MYO5C: variants seen among roughly 807,000 people sequenced by gnomAD.
MYO5C encodes the protein unconventional myosin-Vc.
Under a neutral mutation model 235.7 loss-of-function variants are expected in MYO5C, and 194 were observed. The observed-to-expected ratio is 0.82, with a 90% confidence interval of 0.73 to 0.93. The LOEUF (loss-of-function observed/expected upper bound fraction) is 0.93, where lower values mean the gene tolerates loss of function less well. Ranked by LOEUF, MYO5C falls within the 40% of genes least tolerant of loss-of-function variation. MYO5C has a pLI of 0.00. For synonymous variants in MYO5C, 707 were observed against 754.8 expected (o/e 0.94, Z 1.04); for missense variants, 2,038 against 2,127.2 (o/e 0.96, Z 0.82).
At position 52,211,732 on chromosome 15, in the gene MYO5C, T is replaced by A; in HGVS notation, c.4294A>T (p.Lys1432Ter). ...CCAATGTCAAAGGCATTTCCTACCT[T>A]AACCACCTGCTTGATGCCATTAATG... ...STINGIKQVV[K>*]EHLEDFEMLS... Residue 1432 changes from lysine (K) to a stop codon, truncating the protein, a stop_gained and splice_region_variant, in exon 35 of 41, where the codon AAG becomes TAG. Transcript: ENST00000261839. LOFTEE classifies it high-confidence loss of function. 1 of 1,613,506 alleles carries A rather than the reference T, an allele frequency of 6.2e-7. No homozygotes were observed. The highest frequency in any genetic ancestry group is 8.5e-7 in the Non-Finnish European group (1 of 1,179,632).
At chr15:52,194,621 A>G (rs1026327317) in intron 40 of MYO5C, among the ~76,000 whole-genome samples, 2 of 152,154 alleles carry the variant, frequency 1.3e-5, no homozygotes, top group Non-Finnish European at 2.9e-5. Context: ...CATGTTAAAC[A>G]TAAGTTTCCA....
intron 5 of MYO5C, among the ~76,000 whole-genome samples, chr15:52,275,132 G>A (rs1387123978): frequency 1.3e-5 from 2 of 152,254 alleles, no homozygotes; most frequent in Non-Finnish European, 2.9e-5. Flanking sequence ...CCTCTGCCAA[G>A]GCAGAAGGTA....
intron 37 of MYO5C, chr15:52,205,522 C>T (rs1395309654): frequency 3.1e-6 from 1 of 323,206 alleles, no homozygotes; most frequent in Non-Finnish European, 5.6e-6. Context: ...TTCAAAAATA[C>T]TTGGCTACGC....
chr15:52,240,979 G>A (rs2036207105), intron 20 of MYO5C, among the ~76,000 whole-genome samples: 1 of 152,054 alleles, frequency 6.6e-6, no homozygotes, highest in Non-Finnish European at 1.5e-5. Flanking sequence ...AACACTTATT[G>A]CTCTCCTCCC....
At chr15:52,287,309 G>A (rs1271653515) in intron 1 of MYO5C, among the ~76,000 whole-genome samples, 2 of 152,170 alleles carry the variant, frequency 1.3e-5, no homozygotes, top group East Asian at 1.9e-4. Flanking sequence ...ACACAGACAC[G>A]CCTGTCTCAG....
chr15:52,196,507 G>A (rs1474006462), intron 38 of MYO5C, 24 bp from the exon 39 acceptor site: 5 of 1,604,164 alleles, frequency 3.1e-6, no homozygotes, highest in Non-Finnish European at 3.4e-6. Context: ...CAGAAGAACA[G>A]AGAATACTTT....
chr15:52,280,838 A>G (rs924557217), intron 2 of MYO5C, among the ~76,000 whole-genome samples: 4 of 152,204 alleles, frequency 2.6e-5, no homozygotes, highest in African/African-American at 9.7e-5. Flanking sequence ...AGTTAATCTG[A>G]GCCTCACTCT....
intron 19 of MYO5C, chr15:52,242,455 C>T (rs999653242): frequency 2.1e-6 from 1 of 469,160 alleles, no homozygotes; most frequent in Non-Finnish European, 3.8e-6. Flanking sequence ...TTCACCTCCA[C>T]TCAGGTACCC....
At position 52,219,789 on chromosome 15, in the gene MYO5C, C is replaced by T. The variant is rs1211888232; in HGVS notation, c.3755G>A (p.Arg1252His). The change falls in exon 31 of 41, where the codon CGC becomes CAC. Residue 1252 changes from arginine to histidine, a missense_variant. Physicochemically the swap from Arg to His is conservative, Grantham distance 29. Transcript: ENST00000261839. The part of the protein sequence containing the change: ...KLEELSNQLH[R>H]SQEEEGTQRK... Reference sequence around the variant, plus strand: ...TTGTGTTCCTTCCTCCTCTTGACTGCGATGTAACTGATTAGACAATTCTTC... The same window carrying T: ...TTGTGTTCCTTCCTCCTCTTGACTGTGATGTAACTGATTAGACAATTCTTC... The T allele has an allele frequency of 6.2e-6, 10 of 1,612,320 alleles. No individual in the cohort carries two copies. Among genetic ancestry groups the T allele is most frequent in the African/African-American group, 1.3e-5 (1 of 74,858 alleles).
At chr15:52,259,349 G>C (rs2036643773) in intron 10 of MYO5C, among the ~76,000 whole-genome samples, 1 of 151,518 alleles carries the variant, frequency 6.6e-6, no homozygotes, top group Non-Finnish European at 1.5e-5. Flanking sequence ...GAACCTGGGA[G>C]GCAGAGGTTG....
At chr15:52,286,369 G>A (rs1424219063) in intron 1 of MYO5C, among the ~76,000 whole-genome samples, 134 of 150,970 alleles carry the variant, frequency 8.9e-4, no homozygotes, top group African/African-American at 2.6e-3. Context: ...GGTGAGGGGC[G>A]CCTCTGCCCG....
intron 8 of MYO5C, among the ~76,000 whole-genome samples, chr15:52,264,688 G>T (rs1330299537): frequency 6.6e-6 from 1 of 152,148 alleles, no homozygotes; most frequent in African/African-American, 2.4e-5. Flanking sequence ...ATTGCTGGAG[G>T]GATTCCGTTT....
chr15:52,241,898 A>C, intron 20 of MYO5C, 150 bp downstream of exon 20: 1 of 924,156 alleles, frequency 1.1e-6, no homozygotes, highest in Admixed American at 2.5e-5. Flanking sequence ...GGCATGAGCC[A>C]CAGCACCTGG....
At chr15:52,239,614 C>T in intron 21 of MYO5C, 119 bp downstream of exon 21, 8 of 1,068,616 alleles carry the variant, frequency 7.5e-6, no homozygotes, top group East Asian at 5.0e-5. Flanking sequence ...AGGTGGTCCA[C>T]GTAAACTGAA....
Position 52,291,731 on chromosome 15 carries a change from G to GTTTT in MYO5C, c.27+3875_27+3878dup, listed in dbSNP as rs1196328559. 6.3e-4 allele frequency among the ~76,000 whole-genome samples: 33 copies of GTTTT among 52,544 alleles called. 7 individuals are homozygous for GTTTT. The highest frequency in any genetic ancestry group is 2.2e-3 in the African/African-American group (26 of 12,044). The allele number at this position is 52,544 out of a possible 152,430, so 34.5% of individuals were successfully genotyped here. A position where few individuals can be genotyped will look rare whatever the true frequency, so the allele number is the denominator to read the frequency against. ...TTTTTTCTTTGTTTGCATATTTTAT[G>GTTTT]TTTTTTTTTTTTTTTTTTTTTTTTT... On this transcript the variant is annotated intron_variant, in intron 1 of 40. Transcript: ENST00000261839.
At chr15:52,295,356 C>A (rs1014167224) in intron 1 of MYO5C, among the ~76,000 whole-genome samples, 2 of 152,178 alleles carry the variant, frequency 1.3e-5, no homozygotes, top group East Asian at 3.9e-4. Flanking sequence ...GGCACCCAGG[C>A]GCAGCGGAGC....
At position 52,223,669 on chromosome 15, in the gene MYO5C, C is replaced by T. The variant is rs374150284; in HGVS notation, c.3502G>A (p.Ala1168Thr). The T allele has an allele frequency of 1.2e-6, 2 of 1,614,008 alleles. No individual in the cohort carries two copies. The highest frequency in any genetic ancestry group is 2.7e-5 in the African/African-American group (2 of 74,900). ...QKDCYEKEIE[A>T]LNFKVVHLSQ... ...AGATGCACCACTTTGAAGTTCAAAGCTTCAATCTCCTTTTCATAGCAATCC... is the reference window on the plus strand; with the variant it reads ...AGATGCACCACTTTGAAGTTCAAAGTTTCAATCTCCTTTTCATAGCAATCC... The change falls in exon 29 of 41, where the codon GCT (alanine) becomes ACT (threonine). Residue 1168 changes from alanine to threonine, a missense_variant. Coordinates refer to ENST00000261839, the MANE Select transcript of MYO5C (RefSeq NM_018728.4).
In MYO5C at chr15:52,225,154, A is replaced by G; in HGVS notation, c.3302-16T>C. 1 of 1,613,338 alleles carries G rather than the reference A, an allele frequency of 6.2e-7. No homozygotes were observed. The highest frequency in any genetic ancestry group is 1.1e-5 in the South Asian group (1 of 91,006). On this transcript the variant is annotated splice_polypyrimidine_tract_variant and intron_variant, in intron 26 of 40. Coordinates refer to ENST00000261839, the MANE Select transcript of MYO5C (RefSeq NM_018728.4). ...GACATCTTTTCTGAAAGGGAAAGGC[A>G]GAGTTGTATATATTACATTTGTGGA...
At chr15:52,239,446 CAA>C (rs2036164305) in intron 21 of MYO5C, among the ~76,000 whole-genome samples, 1 of 141,984 alleles carries the variant, frequency 7.0e-6, no homozygotes, top group African/African-American at 3.2e-5. Context: ...TGCCTCAAGG[CAA>C]CACAACTTCA....
Sources: gnomAD v4.1 joint callset for allele counts (sites outside exome capture counted in the v4.1 genomes callset) on GRCh38, gnomAD v4.1.1 for gene constraint, MANE v1.5 for transcripts, NCBI Gene and HGNC (gene_info 2026-07-23, HGNC 2026-07-21) for gene names.